CAMSAP1: variants seen among roughly 807,000 people sequenced by gnomAD.
CAMSAP1 encodes calmodulin regulated spectrin associated protein 1.
In CAMSAP1, 58 loss-of-function variants were observed where a neutral mutation model predicts 143.5. The ratio of observed to expected loss-of-function variants is 0.40; its 90% CI spans 0.33 to 0.50. CAMSAP1 has a LOEUF of 0.50. CAMSAP1 is among the 20% of genes least tolerant of loss of function. CAMSAP1 has a pLI of 0.45. For synonymous variants in CAMSAP1, 945 were observed against 859.3 expected (o/e 1.10, Z -1.74); for missense variants, 1,969 against 2,115.7 (o/e 0.93, Z 1.36).
chr9:135,855,398 C>T (rs1465725700), intron 5 of CAMSAP1, among the ~76,000 whole-genome samples: 1 of 152,182 alleles, frequency 6.6e-6, no homozygotes, highest in Non-Finnish European at 1.5e-5. Context: ...CTGCAAAAGA[C>T]ATGATCTCAT....
intron 5 of CAMSAP1, among the ~76,000 whole-genome samples, chr9:135,853,710 G>A (rs138278392): frequency 2.0e-5 from 3 of 152,350 alleles, no homozygotes; most frequent in East Asian, 3.9e-4. Context: ...GTGCAGGGCA[G>A]GGGCACAGGG....
chr9:135,836,185 C>T, intron 7 of CAMSAP1: 1 of 985,436 alleles, frequency 1.0e-6, no homozygotes, highest in Non-Finnish European at 1.2e-6. Context: ...TCACCACATA[C>T]CTTTACCCGT....
In CAMSAP1 at chr9:135,850,164, G is replaced by A. The variant is rs1204135636; in HGVS notation, c.1018C>T (p.Pro340Ser). The A allele has an allele frequency of 1.2e-6, 2 of 1,611,478 alleles. No homozygotes were observed. ...FENVKPDFVQ[P>S]RDVQELKDAK... Reference sequence around the variant, plus strand: ...TCTTTCAGCTCCTGAACATCCCTGGGCTGAACAAAATCTGGCTTGACATTC... The same window carrying A: ...TCTTTCAGCTCCTGAACATCCCTGGACTGAACAAAATCTGGCTTGACATTC... Residue 340 changes from proline (P) to serine (S), a missense_variant, in exon 7 of 17, where the codon CCC (proline) becomes TCC (serine). This residue lies in a region of CAMSAP1 where 221 missense variants were observed against 298.2 expected (regional missense o/e 0.74). Coordinates refer to ENST00000389532, the MANE Select transcript of CAMSAP1 (RefSeq NM_015447.4).
chr9:135,836,784 A>G, intron 7 of CAMSAP1: 1 of 983,396 alleles, frequency 1.0e-6, no homozygotes, highest in Non-Finnish European at 1.2e-6. Flanking sequence ...TTCTACAGAC[A>G]CACATCATCA....
At chr9:135,877,691 A>G (rs190910087) in intron 3 of CAMSAP1, among the ~76,000 whole-genome samples, 2 of 152,108 alleles carry the variant, frequency 1.3e-5, no homozygotes, top group Admixed American at 6.5e-5. Flanking sequence ...GCATGCCTGT[A>G]GTCCCAGCTA....
intron 1 of CAMSAP1, among the ~76,000 whole-genome samples, chr9:135,885,633 A>T (rs1838098203): frequency 1.3e-5 from 2 of 152,216 alleles, no homozygotes; most frequent in Admixed American, 6.5e-5. Flanking sequence ...CTCTTTTACA[A>T]TCTACCAAGT....
chr9:135,889,347 C>T (rs1838222935), intron 1 of CAMSAP1, among the ~76,000 whole-genome samples: 1 of 152,184 alleles, frequency 6.6e-6, no homozygotes, highest in African/African-American at 2.4e-5. Context: ...ACACACAACC[C>T]AAAGCTCCTT....
chr9:135,822,697 C>A lies in CAMSAP1; in HGVS notation c.1964G>T (p.Cys655Phe). Residue 655 changes from cysteine to phenylalanine, a missense_variant, in exon 11 of 17, where the codon TGC becomes TTC. Coordinates refer to ENST00000389532, the MANE Select transcript of CAMSAP1 (RefSeq NM_015447.4). The surrounding 1 kb of genome is among the most constrained non-coding windows in gnomAD (Gnocchi z 6.1). ...DLNRTFTPIP[C>F]SEFPMGIDPT... ...GTCGATGCCCATGGGGAATTCTGAG[C>A]ATGGAATCGGGGTAAAAGTCCTATT... The A allele has an allele frequency of 6.2e-7, 1 of 1,610,266 alleles. No homozygotes were observed. The highest frequency in any genetic ancestry group is 8.5e-7 in the Non-Finnish European group (1 of 1,177,896).
chr9:135,818,281 G>C lies in CAMSAP1; in HGVS notation c.4168+127C>G, dbSNP rs1006426617. 8.7e-7 allele frequency: 1 copy of C among 1,143,918 alleles called. No individual in the cohort carries two copies. Among genetic ancestry groups the C allele is most frequent in the African/African-American group, 1.5e-5 (1 of 64,794 alleles). The allele number at this position is 1,143,918 out of a possible 1,614,324, so 70.9% of individuals were successfully genotyped here. A position where few individuals can be genotyped will look rare whatever the true frequency, so the allele number is the denominator to read the frequency against. On this transcript the variant is annotated intron_variant, in intron 13 of 16. Transcript: ENST00000389532. This position sits in a 1 kb window ranked among gnomAD's most constrained non-coding sequence, Gnocchi z 7.7. ...GTCTCAACATTGTCATCCATGAAAC[G>C]GGGATAATCATCTCCACCCTTCCCG...
chr9:135,891,969 T>C (rs531799848), intron 1 of CAMSAP1, among the ~76,000 whole-genome samples: 7 of 152,158 alleles, frequency 4.6e-5, no homozygotes, highest in African/African-American at 1.7e-4. Flanking sequence ...AATAGATCAA[T>C]AGAAAGAATC....
chr9:135,834,633 G>C (rs1199627342), intron 7 of CAMSAP1, among the ~76,000 whole-genome samples: 1 of 152,160 alleles, frequency 6.6e-6, no homozygotes, highest in African/African-American at 2.4e-5. Context: ...CCAGGGGCTG[G>C]AGGGTGAGGG....
chr9:135,871,101 A>C (rs1156897094), intron 3 of CAMSAP1, among the ~76,000 whole-genome samples: 1 of 152,234 alleles, frequency 6.6e-6, no homozygotes, highest in Non-Finnish European at 1.5e-5. Flanking sequence ...GACAGATTAA[A>C]TGCAAAAGTA....
chr9:135,875,550 G>C (rs1220399617), intron 3 of CAMSAP1, among the ~76,000 whole-genome samples: 1 of 152,194 alleles, frequency 6.6e-6, no homozygotes, highest in African/African-American at 2.4e-5. Context: ...ATGGCTGGAA[G>C]ACTTAACATT....
Position 135,811,333 on chromosome 9 carries a change from T to C in CAMSAP1, c.4785A>G (p.Pro1595=), listed in dbSNP as rs1369670301. The change falls in exon 17 of 17, where the codon CCA becomes CCG. Residue 1595 remains proline, a synonymous_variant. Transcript: ENST00000389532. The surrounding 1 kb of genome is among the most constrained non-coding windows in gnomAD (Gnocchi z 4.9). ...GTCATTTACGAGTCTGGGCCTTCTT[T>C]GGCACTGCAGGCCGCTTGGGCTGCC... ...HLWQPKRPAV[P]KKAQTRK 1 of 1,613,066 alleles carries C rather than the reference T, an allele frequency of 6.2e-7. No individual in the cohort carries two copies. The highest frequency in any genetic ancestry group is 2.2e-5 in the East Asian group (1 of 44,860).
intron 5 of CAMSAP1, among the ~76,000 whole-genome samples, chr9:135,861,595 T>C (rs945194953): frequency 1.1e-4 from 17 of 152,202 alleles, no homozygotes; most frequent in Non-Finnish European, 2.9e-5. Flanking sequence ...TGAGCCACCA[T>C]ATCCAGCCTG....
chr9:135,862,493 T>C lies in CAMSAP1; in HGVS notation c.782A>G (p.Tyr261Cys). 1 of 1,551,588 alleles carries C rather than the reference T, an allele frequency of 6.4e-7. No individual in the cohort carries two copies. Among genetic ancestry groups the C allele is most frequent in the Non-Finnish European group, 8.7e-7 (1 of 1,146,994 alleles). ...ATCCAGTTTCATCTGCTCTGGGCAATAATAGTGAATCACAGCTAAGAGAGC... is the reference window on the plus strand; with the variant it reads ...ATCCAGTTTCATCTGCTCTGGGCAACAATAGTGAATCACAGCTAAGAGAGC... ...GAALLAVIHY[Y>C]CPEQMKLDDI... Residue 261 changes from tyrosine to cysteine, a missense_variant, in exon 5 of 17, where the codon TAT becomes TGT. This residue lies in a region of CAMSAP1 where 221 missense variants were observed against 298.2 expected (regional missense o/e 0.74). Transcript: ENST00000389532.
Position 135,821,328 on chromosome 9 carries a change from T to C in CAMSAP1, c.3333A>G (p.Lys1111=), listed in dbSNP as rs776116470. The change falls in exon 11 of 17, where the codon AAA becomes AAG. Residue 1111 remains lysine (K), a synonymous_variant. Transcript: ENST00000389532. The surrounding 1 kb of genome is among the most constrained non-coding windows in gnomAD (Gnocchi z 4.6). ...SGRPAELKVP[K]DRPQGSSRSK... ...TTCGGGAGGAGCCCTGTGGCCTGTC[T>C]TTTGGGACCTTCAGCTCCGCCGGCC... The C allele has an allele frequency of 9.3e-6, 15 of 1,613,446 alleles. No individual in the cohort carries two copies. Among genetic ancestry groups the C allele is most frequent in the Non-Finnish European group, 1.2e-5 (14 of 1,179,840 alleles).
At chr9:135,835,074 G>A (rs1835973195) in intron 7 of CAMSAP1, among the ~76,000 whole-genome samples, 1 of 152,076 alleles carries the variant, frequency 6.6e-6, no homozygotes, top group African/African-American at 2.4e-5. Context: ...CCCTTGTCAA[G>A]GGAGCTGGCT....
At chr9:135,815,325 G>A in intron 15 of CAMSAP1, 110 bp from the exon 16 acceptor site, 1 of 531,228 alleles carries the variant, frequency 1.9e-6, no homozygotes, top group Non-Finnish European at 3.3e-6. Flanking sequence ...CTGAATTACA[G>A]ATATTTATGA....
Sources: allele counts gnomAD v4.1 joint callset (sites outside exome capture counted in the v4.1 genomes callset), GRCh38; gene constraint gnomAD v4.1.1; regional missense constraint gnomAD v4.1.1; non-coding constraint Gnocchi (gnomAD v3.1); transcripts MANE v1.5; gene names NCBI Gene and HGNC (gene_info 2026-07-23, HGNC 2026-07-21).